Variants in TENM2 observed in about 807,000 individuals in gnomAD.
TENM2 encodes the protein teneurin-2.
A neutral mutation model predicts 245.2 loss-of-function variants in TENM2; 52 were observed. The ratio of observed to expected loss-of-function variants is 0.21; its 90% CI spans 0.17 to 0.27. TENM2 has a LOEUF of 0.27. Among genes scored for constraint, TENM2 ranks in the 10% least tolerant of loss-of-function variants. The pLI is 1.00. For synonymous variants in TENM2, 1,363 were observed against 1,438.9 expected (o/e 0.95, Z 1.19); for missense variants, 3,046 against 3,666.8 (o/e 0.83, Z 4.37).
intron 2 of TENM2, among the ~76,000 whole-genome samples, chr5:167,511,795 A>G (rs1001253480): frequency 7.9e-5 from 12 of 152,218 alleles, no homozygotes; most frequent in African/African-American, 2.9e-4. Flanking sequence ...TATGCTTGCC[A>G]TATATTTACA....
At chr5:168,067,949 C>G (rs1790650231) in intron 7 of TENM2, among the ~76,000 whole-genome samples, 1 of 152,126 alleles carries the variant, frequency 6.6e-6, no homozygotes, top group African/African-American at 2.4e-5. Flanking sequence ...TTTTCAGAAC[C>G]TTCCTTTCCA....
intron 2 of TENM2, among the ~76,000 whole-genome samples, chr5:167,463,707 G>T (rs1292615799): frequency 6.6e-6 from 1 of 151,926 alleles, no homozygotes; most frequent in East Asian, 1.9e-4. Context: ...CCATGGCCAG[G>T]CTTGTCTTGA....
At chr5:167,476,391 A>G (rs11745971) in intron 2 of TENM2, among the ~76,000 whole-genome samples, 104,407 of 151,448 alleles carry the variant, frequency 0.69, 36,496 homozygotes, top group Non-Finnish European at 0.75. Flanking sequence ...TGAGGTATGC[A>G]GATCTTCCAC....
In TENM2 at chr5:167,378,551, A is replaced by G. The variant is rs115220788; in HGVS notation, c.502+3078A>G. Reference sequence around the variant, plus strand: ...TAATCCTATCTTGAAGTCAATAATGATTTGGCTAGAAATGGCAATGAGAGT... The same window carrying G: ...TAATCCTATCTTGAAGTCAATAATGGTTTGGCTAGAAATGGCAATGAGAGT... On this transcript the variant is annotated intron_variant, in intron 2 of 28. Coordinates refer to ENST00000518659, the Ensembl canonical transcript of TENM2. Among the ~76,000 whole-genome samples, 807 of 152,110 alleles carry G rather than the reference A, an allele frequency of 5.3e-3. 8 individuals carry two copies. Among genetic ancestry groups the G allele is most frequent in the African/African-American group, 0.019 (772 of 41,528 alleles).
chr5:167,431,974 T>TACACAC (rs1764281934), intron 2 of TENM2, among the ~76,000 whole-genome samples: 1 of 143,262 alleles, frequency 7.0e-6, no homozygotes, highest in Non-Finnish European at 1.5e-5. Flanking sequence ...TATATATATA[T>TACACAC]ATATGGAAGT....
chr5:167,784,850 T>C (rs1764454967), intron 2 of TENM2, among the ~76,000 whole-genome samples: 1 of 152,246 alleles, frequency 6.6e-6, no homozygotes, highest in African/African-American at 2.4e-5. Flanking sequence ...GTTATTTGGG[T>C]TTCAATTTAA....
At chr5:167,929,137 AGAAG>A (rs1344924265) in intron 3 of TENM2, among the ~76,000 whole-genome samples, 52 of 133,700 alleles carry the variant, frequency 3.9e-4, no homozygotes, top group African/African-American at 1.3e-3. Flanking sequence ...AAGAAAAGAA[AGAAG>A]GGAGGGAGGG....
chr5:167,550,044 A>G (rs1227871313), intron 2 of TENM2, among the ~76,000 whole-genome samples: 1 of 152,202 alleles, frequency 6.6e-6, no homozygotes, highest in Non-Finnish European at 1.5e-5. Flanking sequence ...TGATGATGCA[A>G]AACTAGACAT....
rs566994843 is a variant in TENM2, at chr5:167,974,022, A to G, written c.948-18922A>G. 3.3e-3 allele frequency among the ~76,000 whole-genome samples: 219 copies of G among 66,276 alleles called. 14 individuals carry two copies. Among genetic ancestry groups the G allele is most frequent in the African/African-American group, 0.021 (195 of 9,352 alleles). The allele number at this position is 66,276 out of a possible 152,430, so 43.5% of individuals were successfully genotyped here. On this transcript the variant is annotated intron_variant, in intron 4 of 28. Transcript: ENST00000518659. The stretch of plus-strand genomic sequence containing the variant: ...GAGAAAGGGAGGGAGGGAGGGAGGG[A>G]GGAAGGAAGGAAGGAGAAGGAAGGA...
chr5:167,522,576 T>C (rs1467132789), intron 2 of TENM2, among the ~76,000 whole-genome samples: 1 of 152,142 alleles, frequency 6.6e-6, no homozygotes, highest in African/African-American at 2.4e-5. Flanking sequence ...ATTTATTTTA[T>C]ATCTGATGGG....
chr5:167,163,978 T>C, the TENM2 span, among the ~76,000 whole-genome samples: 1,396 of 152,230 alleles, frequency 9.2e-3, 19 homozygotes, highest in African/African-American at 0.031. Context: ...AATTCCAGGG[T>C]TTTTCTGCAA....
chr5:167,282,253 T>G (rs1353495156), upstream of TENM2, among the ~76,000 whole-genome samples: 1 of 152,128 alleles, frequency 6.6e-6, no homozygotes, highest in Non-Finnish European at 1.5e-5. Context: ...CAACTCCCCA[T>G]AAAACCACCT....
the TENM2 span, among the ~76,000 whole-genome samples, chr5:167,100,554 C>T: frequency 4.6e-5 from 7 of 152,248 alleles, no homozygotes; most frequent in South Asian, 2.1e-4. Flanking sequence ...TTTTGATAAA[C>T]GGATTGAAGA....
intron 2 of TENM2, among the ~76,000 whole-genome samples, chr5:167,696,533 C>T (rs181724108): frequency 1.3e-5 from 2 of 152,152 alleles, no homozygotes; most frequent in East Asian, 3.8e-4. Flanking sequence ...ACTTATTTAT[C>T]GTTCTCTAAA....
chr5:167,255,345 T>A, the TENM2 span, among the ~76,000 whole-genome samples: 79 of 152,280 alleles, frequency 5.2e-4, no homozygotes, highest in African/African-American at 1.9e-3. Flanking sequence ...TAATGAAGAC[T>A]TTTATTTAAT....
At chr5:167,176,126 C>T in the TENM2 span, among the ~76,000 whole-genome samples, 1 of 152,240 alleles carries the variant, frequency 6.6e-6, no homozygotes, top group East Asian at 1.9e-4. Flanking sequence ...TTAACAGCAA[C>T]TCCCTGATGA....
the TENM2 span, among the ~76,000 whole-genome samples, chr5:167,070,102 G>T: frequency 1.1e-5 from 1 of 91,196 alleles, no homozygotes; most frequent in South Asian, 2.8e-4. Flanking sequence ...TTATTCATTT[G>T]ACAAATATTT....
the TENM2 span, among the ~76,000 whole-genome samples, chr5:167,205,006 C>T: frequency 2.6e-4 from 39 of 152,308 alleles, no homozygotes; most frequent in African/African-American, 9.1e-4. Flanking sequence ...AATATATGTG[C>T]CCCACTGGTT....
At chr5:167,929,107 A>T (rs974758499) in intron 3 of TENM2, among the ~76,000 whole-genome samples, 21 of 144,232 alleles carry the variant, frequency 1.5e-4, no homozygotes, top group African/African-American at 5.5e-4. Flanking sequence ...GAAAGAAAGA[A>T]AGAAAGAAAG....
Sources: gnomAD v4.1 joint callset for allele counts (sites outside exome capture counted in the v4.1 genomes callset) on GRCh38, gnomAD v4.1.1 for gene constraint, MANE v1.5 for transcripts, NCBI Gene and HGNC (gene_info 2026-07-23, HGNC 2026-07-21) for gene names.